The following ABCC11 variants were observed in gnomAD, a reference collection of about 807,000 sequenced individuals.
ABCC11 encodes the protein ATP binding cassette subfamily C member 11, also known as ATP-binding cassette sub-family C member 11.
In ABCC11, 135 loss-of-function variants were observed where a neutral mutation model predicts 149.3. That is an observed-to-expected ratio of 0.90 (90% confidence interval 0.79 to 1.04). The LOEUF is 1.04. Ranked by LOEUF, ABCC11 falls within the 50% of genes least tolerant of loss-of-function variation. The probability of loss-of-function intolerance (pLI) is 0.00; values close to 1 mark genes in which losing one functional copy is unlikely to be tolerated. For synonymous variants in ABCC11, 665 were observed against 671.4 expected (o/e 0.99, Z 0.15); for missense variants, 1,680 against 1,722.1 (o/e 0.98, Z 0.43).
At chr16:48,228,211 G>T (rs959620310) in intron 3 of ABCC11, among the ~76,000 whole-genome samples, 2 of 151,234 alleles carry the variant, frequency 1.3e-5, no homozygotes, top group African/African-American at 2.4e-5. Flanking sequence ...AGATGTTTGG[G>T]GTTTTTTTTT....
chr16:48,213,534 G>A lies in ABCC11; in HGVS notation c.1265C>T (p.Ala422Val), dbSNP rs1318534059. 1.9e-6 allele frequency: 3 copies of A among 1,609,758 alleles called. No homozygotes were observed. The Admixed American group carries it at 5.1e-5, about 27-fold the overall frequency. ...TGACAGCCGAAGGAGATTCAAGGAG[G>A]CCAGCATGCTGAAGGCCTGGATAAG... ...LTASMAFSML[A>V]SLNLLRLSVF... Residue 422 changes from alanine (A) to valine (V), a missense_variant, in exon 10 of 30, where the codon GCC becomes GTC. Ala to Val is a moderately conservative substitution (Grantham distance 64). Coordinates refer to ENST00000356608, the MANE Select transcript of ABCC11 (RefSeq NM_001370497.1).
intron 9 of ABCC11, 29 bp downstream of exon 9, chr16:48,214,852 G>C: frequency 6.2e-7 from 1 of 1,613,214 alleles, no homozygotes; most frequent in South Asian, 1.1e-5. Context: ...ATCATGATGG[G>C]GAGAAAACAA....
At chr16:48,227,186 T>G (rs1970127273) in intron 4 of ABCC11, among the ~76,000 whole-genome samples, 1 of 152,110 alleles carries the variant, frequency 6.6e-6, no homozygotes, top group Non-Finnish European at 1.5e-5. Context: ...ATTTCTAACT[T>G]TCTTGGGACA....
At chr16:48,231,636 G>T (rs539834723) in intron 2 of ABCC11, among the ~76,000 whole-genome samples, 187 bp downstream of exon 2, 132 of 150,256 alleles carry the variant, frequency 8.8e-4, no homozygotes, top group Non-Finnish European at 1.5e-3. Context: ...ACTCTAGCCT[G>T]GGTGACAAAG....
intron 1 of ABCC11, among the ~76,000 whole-genome samples, chr16:48,243,724 G>T (rs1971142110): frequency 6.6e-6 from 1 of 152,218 alleles, no homozygotes; most frequent in Non-Finnish European, 1.5e-5. Context: ...GGGCACGTTG[G>T]CTCACGCCTG....
At chr16:48,181,835 G>A (rs947950892) in intron 23 of ABCC11, among the ~76,000 whole-genome samples, 2 of 152,132 alleles carry the variant, frequency 1.3e-5, no homozygotes, top group Non-Finnish European at 2.9e-5. Context: ...GGATAGTCTC[G>A]ATCTCCTGAC....
chr16:48,200,317 G>C lies in ABCC11; in HGVS notation c.2041C>G (p.Leu681Val). The change falls in exon 15 of 30, where the codon CTC (leucine) becomes GTC (valine). Residue 681 changes from leucine (L) to valine (V), a missense_variant. Transcript: ENST00000356608. ...ACCAGGACGACCGTCTTCCCCCTGA[G>C]TGTCTTCTTAATGCACTCCTCAAAA... is the stretch of plus-strand genomic sequence containing the variant. ...HIFEECIKKT[L>V]RGKTVVLVTH... The C allele has an allele frequency of 6.2e-7, 1 of 1,614,206 alleles. No homozygotes were observed. Among genetic ancestry groups the C allele is most frequent in the Non-Finnish European group, 8.5e-7 (1 of 1,180,026 alleles).
At chr16:48,182,804 CATG>C (rs1966528925) in intron 23 of ABCC11, among the ~76,000 whole-genome samples, 1 of 146,714 alleles carries the variant, frequency 6.8e-6, no homozygotes, top group Admixed American at 6.8e-5. Flanking sequence ...AAAAAAGGAA[CATG>C]TGGTTCGGGA....
chr16:48,231,876 G>A lies in ABCC11; in HGVS notation c.46C>T (p.Leu16Phe). 1 of 1,614,156 alleles carries A rather than the reference G, an allele frequency of 6.2e-7. No homozygotes were observed. The highest frequency in any genetic ancestry group is 8.5e-7 in the Non-Finnish European group (1 of 1,180,012). Reference sequence around the variant, plus strand: ...CCTATGTCGATGCCACGATTCACGAGGCCACCAGAAGAGTTGGGCACCCAG... The same window carrying A: ...CCTATGTCGATGCCACGATTCACGAAGCCACCAGAAGAGTTGGGCACCCAG... ...TYWVPNSSGG[L>F]VNRGIDIGDD... The change falls in exon 2 of 30, where the codon CTC (leucine) becomes TTC (phenylalanine). Residue 16 changes from leucine to phenylalanine, a missense_variant. Transcript: ENST00000356608.
Position 48,187,234 on chromosome 16 carries a change from G to C in ABCC11, c.2900C>G (p.Ala967Gly). 2 of 1,614,054 alleles carry C rather than the reference G, an allele frequency of 1.2e-6. No individual in the cohort carries two copies. Among genetic ancestry groups the C allele is most frequent in the African/African-American group, 2.7e-5 (2 of 75,010 alleles). Residue 967 changes from alanine to glycine, a missense_variant, in exon 21 of 30, where the codon GCC becomes GGC. Coordinates refer to ENST00000356608, the MANE Select transcript of ABCC11 (RefSeq NM_001370497.1). Reference protein sequence around the residue: ...VLSPYILLMGAIIMVICFIYY... With the variant: ...VLSPYILLMGGIIMVICFIYY... ...AATGAAGCAAATAACCATGATTATG[G>C]CTCCCATTAACAGGATATATGGAGA...
chr16:48,193,303 C>T (rs1473528426), intron 19 of ABCC11, among the ~76,000 whole-genome samples: 4 of 152,136 alleles, frequency 2.6e-5, no homozygotes, highest in African/African-American at 4.8e-5. Context: ...TCCTGGTACA[C>T]GATCCAGAAA....
intron 3 of ABCC11, among the ~76,000 whole-genome samples, chr16:48,228,901 C>T (rs1299480049): frequency 1.3e-5 from 2 of 150,806 alleles, no homozygotes; most frequent in Non-Finnish European, 2.9e-5. Flanking sequence ...GTCATTTTTC[C>T]ACTTTTTTTT....
At chr16:48,177,203 T>C in intron 24 of ABCC11, 90 bp from the exon 25 acceptor site, 1 of 1,346,766 alleles carries the variant, frequency 7.4e-7, no homozygotes, top group South Asian at 1.4e-5. Flanking sequence ...CTGTAGGGGG[T>C]GTGACCCACC....
intron 1 of ABCC11, among the ~76,000 whole-genome samples, chr16:48,243,108 A>G (rs928301905): frequency 1.4e-4 from 21 of 151,978 alleles, no homozygotes; most frequent in Non-Finnish European, 1.8e-4. Flanking sequence ...GTTGTAAAAA[A>G]AAAAAAAATT....
rs552088931 is a variant in ABCC11 at position 48,173,233 on chromosome 16, AAGG to A, written c.3698+2022_3698+2024del. 6.6e-5 allele frequency among the ~76,000 whole-genome samples: 10 copies of A among 152,272 alleles called. No individual in the cohort carries two copies. The East Asian group carries it at 1.9e-3, about 29-fold the overall frequency. ...GCTTAAGGGTAGAGCCTTAAGTTCT[AAGG>A]TAGGATTTCAAGTCCACATTTCTTT... On this transcript the variant is annotated intron_variant, in intron 26 of 29. Coordinates refer to ENST00000356608, the MANE Select transcript of ABCC11 (RefSeq NM_001370497.1).
At chr16:48,214,215 G>C (rs981402231) in intron 9 of ABCC11, among the ~76,000 whole-genome samples, 3 of 151,914 alleles carry the variant, frequency 2.0e-5, no homozygotes, top group Non-Finnish European at 4.4e-5. Flanking sequence ...CTCAGTGTGA[G>C]CCTCAAGTAC....
intron 20 of ABCC11, among the ~76,000 whole-genome samples, chr16:48,191,947 G>C (rs1218656639): frequency 1.3e-5 from 2 of 152,062 alleles, no homozygotes; most frequent in East Asian, 3.9e-4. Context: ...ACCTGCATGT[G>C]CACATGTACC....
intron 3 of ABCC11, among the ~76,000 whole-genome samples, chr16:48,229,006 G>A (rs140253204): frequency 5.3e-4 from 80 of 151,966 alleles, no homozygotes; most frequent in African/African-American, 1.7e-3. Context: ...TGAAAATGCC[G>A]AACTTATAAG....
intron 20 of ABCC11, among the ~76,000 whole-genome samples, chr16:48,192,149 T>TA (rs766638534): frequency 0.029 from 4,192 of 146,596 alleles, 71 homozygotes; most frequent in Non-Finnish European, 0.042. Context: ...GGTCTACTAA[T>TA]AAAAAAAAAA....
Sources: gnomAD v4.1 joint callset for allele counts (sites outside exome capture counted in the v4.1 genomes callset) on GRCh38, gnomAD v4.1.1 for gene constraint, MANE v1.5 for transcripts, NCBI Gene and HGNC (gene_info 2026-07-23, HGNC 2026-07-21) for gene names.